The following RAD54B variants were observed in gnomAD, a reference collection of about 807,000 sequenced individuals.
RAD54B encodes the protein DNA repair and recombination protein RAD54B.
A neutral mutation model predicts 95.8 loss-of-function variants in RAD54B; 78 were observed. That is an observed-to-expected ratio of 0.81 (90% CI 0.68 to 0.98). The LOEUF is 0.98. Among genes scored for constraint, RAD54B ranks in the 50% least tolerant of loss-of-function variants. The pLI is 0.00. For synonymous variants in RAD54B, 328 were observed against 354.9 expected, an observed-to-expected ratio of 0.92 and a Z score of 0.85; for missense variants, 957 against 1,056.6, an observed-to-expected ratio of 0.91 and a Z score of 1.31.
chr8:94,404,325 A>T, intron 5 of RAD54B, 86 bp from the exon 6 acceptor site: 9 of 1,271,950 alleles, frequency 7.1e-6, no homozygotes, highest in Non-Finnish European at 9.4e-6. Flanking sequence ...TAAGATAGAA[A>T]TGTTTGCCAT....
intron 3 of RAD54B, chr8:94,432,486 T>A: frequency 6.4e-7 from 1 of 1,550,610 alleles, no homozygotes; most frequent in Non-Finnish European, 8.7e-7. Flanking sequence ...TACTAATTCA[T>A]GTTCTTCTCT....
At chr8:94,403,739 C>T (rs1288547288) in intron 6 of RAD54B, among the ~76,000 whole-genome samples, 1 of 152,022 alleles carries the variant, frequency 6.6e-6, no homozygotes, top group Non-Finnish European at 1.5e-5. Flanking sequence ...TCTTATGACC[C>T]TTTACCACAC....
intron 3 of RAD54B, among the ~76,000 whole-genome samples, chr8:94,450,117 A>G (rs545222196): frequency 6.6e-6 from 1 of 152,334 alleles, no homozygotes; most frequent in African/African-American, 2.4e-5. Context: ...CTCAAAACTC[A>G]ATTGTCTGTG....
At chr8:94,408,089 A>T (rs1275078436) in intron 4 of RAD54B, among the ~76,000 whole-genome samples, 2 of 152,126 alleles carry the variant, frequency 1.3e-5, no homozygotes, top group Non-Finnish European at 2.9e-5. Context: ...CTCTATTTTC[A>T]CTTAGAAACA....
intron 3 of RAD54B, among the ~76,000 whole-genome samples, chr8:94,419,848 T>C (rs1394403987): frequency 6.6e-6 from 1 of 151,960 alleles, no homozygotes; most frequent in Non-Finnish European, 1.5e-5. Context: ...TATTAAACAC[T>C]TTAGTATACA....
At chr8:94,433,659 A>G (rs996452062) in intron 3 of RAD54B, among the ~76,000 whole-genome samples, 5 of 151,954 alleles carry the variant, frequency 3.3e-5, no homozygotes, top group African/African-American at 1.2e-4. Context: ...AATTTTATGT[A>G]TAACGTGAAG....
At chr8:94,425,195 ATT>A in intron 3 of RAD54B, among the ~76,000 whole-genome samples, 2 of 150,764 alleles carry the variant, frequency 1.3e-5, no homozygotes, top group South Asian at 4.2e-4. Flanking sequence ...GAATGACTTA[ATT>A]GTACAACCCA....
chr8:94,458,217 C>A, intron 3 of RAD54B, 51 bp downstream of exon 3: 1 of 1,441,998 alleles, frequency 6.9e-7, no homozygotes, highest in Non-Finnish European at 9.3e-7. Context: ...TTAAAGAATA[C>A]TGTAATACTA....
intron 1 of RAD54B, among the ~76,000 whole-genome samples, chr8:94,470,770 GA>G (rs56341651): frequency 0.31 from 45,046 of 143,510 alleles, 7,437 homozygotes; most frequent in East Asian, 0.45. Context: ...AGAAAACAAA[GA>G]AAAAAAAAAA....
rs1223154191 is a variant in RAD54B, at chr8:94,475,112, G to A, written c.-128C>T. On this transcript the variant is annotated 5_prime_UTR_variant, in exon 1 of 15. Coordinates refer to ENST00000336148, the MANE Select transcript of RAD54B (RefSeq NM_012415.3). ...ATCCCGCCTCGGCGAAGCCAATCGCGGACGAGCCCGCCGCGCGTGCGCACT... is the reference window on the plus strand; with the variant it reads ...ATCCCGCCTCGGCGAAGCCAATCGCAGACGAGCCCGCCGCGCGTGCGCACT... The A allele has an allele frequency of 2.0e-5, 3 of 152,606 alleles. No individual in the cohort carries two copies. The highest frequency in any genetic ancestry group is 4.4e-5 in the Non-Finnish European group (3 of 68,358). The allele number at this position is 152,606 out of a possible 1,614,324, so 9.5% of individuals were successfully genotyped here.
intron 3 of RAD54B, among the ~76,000 whole-genome samples, chr8:94,444,451 A>C (rs565747235): frequency 6.6e-6 from 1 of 152,170 alleles, no homozygotes; most frequent in Admixed American, 6.5e-5. Context: ...ACTATGATGT[A>C]TTCATACCAT....
At chr8:94,376,914 T>TA (rs1361284660) in intron 14 of RAD54B, among the ~76,000 whole-genome samples, 2 of 151,928 alleles carry the variant, frequency 1.3e-5, no homozygotes, top group Non-Finnish European at 2.9e-5. Context: ...ATATAAAATC[T>TA]AAATTCTTCC....
chr8:94,408,327 G>GA (rs1811444265), intron 4 of RAD54B, among the ~76,000 whole-genome samples: 1 of 152,146 alleles, frequency 6.6e-6, no homozygotes, highest in Non-Finnish European at 1.5e-5. Flanking sequence ...AGGTGCTGAT[G>GA]AAATATAAGT....
intron 3 of RAD54B, among the ~76,000 whole-genome samples, chr8:94,418,233 T>C (rs1811721293): frequency 6.6e-6 from 1 of 152,178 alleles, no homozygotes; most frequent in African/African-American, 2.4e-5. Flanking sequence ...AGCTCTATCA[T>C]ATTCAATCTG....
intron 3 of RAD54B, among the ~76,000 whole-genome samples, chr8:94,439,809 T>C (rs1475061256): frequency 6.6e-6 from 1 of 152,204 alleles, no homozygotes; most frequent in South Asian, 2.1e-4. Context: ...TAAAGGATTG[T>C]AGGCACCAAG....
chr8:94,474,569 G>T (rs1410959412), intron 1 of RAD54B, among the ~76,000 whole-genome samples: 2 of 151,872 alleles, frequency 1.3e-5, no homozygotes, highest in East Asian at 1.9e-4. Flanking sequence ...CCTGACCAGT[G>T]AAGAGGTAAA....
rs780131590 is a variant in RAD54B at position 94,372,352 on chromosome 8, A to C, written c.2551T>G (p.Cys851Gly). The C allele has an allele frequency of 6.2e-7, 1 of 1,613,700 alleles. No individual in the cohort carries two copies. The highest frequency in any genetic ancestry group is 1.7e-5 in the Admixed American group (1 of 59,956). ...SLEKFIVSRD[C>G]QLGPHHQKSN... is the part of the protein sequence containing the mutation. ...TTCTGGTGATGTGGACCAAGCTGACAATCTCTAGAGACAATGAATTTTTCC... is the reference window on the plus strand; with the variant it reads ...TTCTGGTGATGTGGACCAAGCTGACCATCTCTAGAGACAATGAATTTTTCC... Residue 851 changes from cysteine to glycine, a missense_variant, in exon 15 of 15, where the codon TGT becomes GGT. Transcript: ENST00000336148.
intron 4 of RAD54B, among the ~76,000 whole-genome samples, chr8:94,408,039 C>A (rs554503772): frequency 6.6e-6 from 1 of 152,142 alleles, no homozygotes; most frequent in East Asian, 1.9e-4. Flanking sequence ...CTATATGTAT[C>A]CTCCTTTCTT....
At chr8:94,421,114 C>T (rs953749319) in intron 3 of RAD54B, among the ~76,000 whole-genome samples, 3 of 152,138 alleles carry the variant, frequency 2.0e-5, no homozygotes, top group Non-Finnish European at 4.4e-5. Flanking sequence ...CACTCCTTAA[C>T]TGCTCCAATA....
Sources: gnomAD v4.1 joint callset for allele counts (sites outside exome capture counted in the v4.1 genomes callset) on GRCh38, gnomAD v4.1.1 for gene constraint, MANE v1.5 for transcripts, NCBI Gene and HGNC (gene_info 2026-07-23, HGNC 2026-07-21) for gene names.